CRISPLD2: variants seen among roughly 807,000 people sequenced by gnomAD.
CRISPLD2 encodes cysteine-rich secretory protein LCCL domain-containing 2.
Under a neutral mutation model 71.1 loss-of-function variants are expected in CRISPLD2, and 47 were observed. The ratio of observed to expected loss-of-function variants is 0.66; its 90% CI spans 0.52 to 0.84. CRISPLD2 has a LOEUF of 0.84. Ranked by LOEUF, CRISPLD2 falls within the 40% of genes least tolerant of loss-of-function variation. The probability of loss-of-function intolerance (pLI) is 0.00; values close to 1 mark genes in which losing one functional copy is unlikely to be tolerated. For missense variants in CRISPLD2, 830 were observed against 651.1 expected (o/e 1.27, Z -2.99); for synonymous variants, 317 against 250.1 (o/e 1.27, Z -2.52).
intron 6 of CRISPLD2, among the ~76,000 whole-genome samples, chr16:84,857,350 G>T (rs1019447374): frequency 6.6e-6 from 1 of 152,208 alleles, no homozygotes; most frequent in Non-Finnish European, 1.5e-5. Context: ...TCACCTTTTG[G>T]TGAGCATTGA....
chr16:84,889,257 C>T lies in CRISPLD2; in HGVS notation c.1333C>T (p.His445Tyr). Residue 445 changes from histidine (H) to tyrosine (Y), a missense_variant, in exon 14 of 15, where the codon CAC (histidine) becomes TAC (tyrosine). Transcript: ENST00000262424. ...CTCAAGCATCTGCAAGACAGCCGTG[C>T]ACGCGGGAGTCATCAGCAACGAGAG... is the stretch of plus-strand genomic sequence containing the variant. Reference protein sequence around the residue: ...DTSSICKTAVHAGVISNESGG... With the variant: ...DTSSICKTAVYAGVISNESGG... 1.2e-6 allele frequency: 2 copies of T among 1,614,134 alleles called. No individual in the cohort carries two copies. The highest frequency in any genetic ancestry group is 8.5e-7 in the Non-Finnish European group (1 of 1,180,018).
At chr16:84,897,722 T>C (rs2071718690) in intron 14 of CRISPLD2, among the ~76,000 whole-genome samples, 1 of 152,140 alleles carries the variant, frequency 6.6e-6, no homozygotes, top group African/African-American at 2.4e-5. Context: ...GTTCAAGTGA[T>C]TCTCATGCCT....
chr16:84,846,763 G>T (rs888935786), intron 3 of CRISPLD2, among the ~76,000 whole-genome samples: 1 of 152,130 alleles, frequency 6.6e-6, no homozygotes, highest in African/African-American at 2.4e-5. Flanking sequence ...CCAGACCCCC[G>T]AGGCTTCCCT....
intron 6 of CRISPLD2, among the ~76,000 whole-genome samples, chr16:84,863,776 C>G (rs1453908587): frequency 6.6e-6 from 1 of 152,052 alleles, no homozygotes; most frequent in Non-Finnish European, 1.5e-5. Context: ...TGAGACCAGC[C>G]TGACCAACAT....
chr16:84,863,152 G>A (rs970878075), intron 6 of CRISPLD2: 4 of 152,138 alleles, frequency 2.6e-5, no homozygotes, highest in East Asian at 1.9e-4. Context: ...CAGGGCCTCC[G>A]GAGGCACATG....
At chr16:84,858,624 A>T (rs374243424) in intron 6 of CRISPLD2, among the ~76,000 whole-genome samples, 1 of 152,228 alleles carries the variant, frequency 6.6e-6, no homozygotes, top group Non-Finnish European at 1.5e-5. Flanking sequence ...CTTCAGTGCA[A>T]TGGAGCAGTG....
intron 1 of CRISPLD2, among the ~76,000 whole-genome samples, chr16:84,831,080 G>A (rs1235134677): frequency 6.6e-6 from 1 of 152,240 alleles, no homozygotes; most frequent in Non-Finnish European, 1.5e-5. Flanking sequence ...GGGAGGCTGA[G>A]AGTCAGAGCG....
intron 13 of CRISPLD2, among the ~76,000 whole-genome samples, chr16:84,883,663 AG>A (rs2071587321): frequency 6.6e-6 from 1 of 152,166 alleles, no homozygotes; most frequent in African/African-American, 2.4e-5. Context: ...ACAAGTTCCC[AG>A]GTGAACCTGC....
chr16:84,826,799 C>T (rs1398414469), intron 1 of CRISPLD2, among the ~76,000 whole-genome samples: 1 of 151,994 alleles, frequency 6.6e-6, no homozygotes, highest in African/African-American at 2.4e-5. Context: ...TTATCTGGGG[C>T]CTGACACATC....
At chr16:84,880,607 A>C (rs190422051) in intron 13 of CRISPLD2, 23 bp downstream of exon 13, 768 of 1,604,378 alleles carry the variant, frequency 4.8e-4, no homozygotes, top group Non-Finnish European at 6.2e-4. Flanking sequence ...CATTTTCAAC[A>C]ACTATCTCGC....
Position 84,849,388 on chromosome 16 carries a change from T to G in CRISPLD2, c.363T>G (p.Tyr121Ter). 1 of 1,612,484 alleles carries G rather than the reference T, an allele frequency of 6.2e-7. No individual in the cohort carries two copies. The highest frequency in any genetic ancestry group is 8.5e-7 in the Non-Finnish European group (1 of 1,178,804). The change falls in exon 4 of 15, where the codon TAT (tyrosine) becomes TAG (stop). Residue 121 changes from tyrosine (Y) to a stop codon, truncating the protein, a stop_gained. Transcript: ENST00000262424. LOFTEE classifies it high-confidence loss of function. ...GTGAGCGGTTTCTGCCCTGCAGGTATCGCTCTCCGGGGTTCCATGTGCAGT... is the reference window on the plus strand; with the variant it reads ...GTGAGCGGTTTCTGCCCTGCAGGTAGCGCTCTCCGGGGTTCCATGTGCAGT... ...GQNLGAHWGR[Y>*]RSPGFHVQSW... is the part of the protein sequence containing the mutation.
chr16:84,867,137 A>G lies in CRISPLD2; in HGVS notation c.853+97A>G, dbSNP rs1917564144. On this transcript the variant is annotated intron_variant, in intron 7 of 14. Transcript: ENST00000262424. ...GGGGAGCTAGTGGATTTAGGTCTGC[A>G]AATCCACAGGCAGTGGCAAACAGGG... The G allele has an allele frequency of 3.0e-6, 4 of 1,329,544 alleles. No individual in the cohort carries two copies. The African/African-American group carries it at 4.4e-5, about 15-fold the overall frequency. The allele number at this position is 1,329,544 out of a possible 1,614,324, so 82.4% of individuals were successfully genotyped here. A position where few individuals can be genotyped will look rare whatever the true frequency, so the allele number is the denominator to read the frequency against.
intron 14 of CRISPLD2, among the ~76,000 whole-genome samples, chr16:84,903,220 C>T (rs1567708392): frequency 6.6e-6 from 1 of 152,210 alleles, no homozygotes; most frequent in African/African-American, 2.4e-5. Flanking sequence ...TCCGGGTCTC[C>T]TCTCCAGCCT....
At chr16:84,892,222 C>T (rs762038624) in intron 14 of CRISPLD2, among the ~76,000 whole-genome samples, 5 of 152,202 alleles carry the variant, frequency 3.3e-5, no homozygotes, top group African/African-American at 7.2e-5. Context: ...AAAGCACATC[C>T]TCCGGCCCCA....
chr16:84,855,011 T>A (rs1349922189), intron 6 of CRISPLD2, among the ~76,000 whole-genome samples, 182 bp downstream of exon 6: 1 of 152,124 alleles, frequency 6.6e-6, no homozygotes, highest in Non-Finnish European at 1.5e-5. Context: ...GGGTCTAGGC[T>A]CAGCTTCCAG....
intron 6 of CRISPLD2, among the ~76,000 whole-genome samples, chr16:84,855,139 T>G (rs1245902033): frequency 6.6e-6 from 1 of 152,060 alleles, no homozygotes; most frequent in Non-Finnish European, 1.5e-5. Context: ...CTCGTTAGCA[T>G]TCACAGTTTC....
Position 84,905,994 on chromosome 16 carries a change from C to T in CRISPLD2, c.1440-594C>T, listed in dbSNP as rs562393584. 6.0e-4 allele frequency among the ~76,000 whole-genome samples: 92 copies of T among 152,246 alleles called. 1 individual carries two copies. Among genetic ancestry groups the T allele is most frequent in the African/African-American group, 2.1e-3 (86 of 41,550 alleles). ...AAGTGCTGAGGTTACAGGCATGAGC[C>T]ACCGCGCCTGGCCTAAAGCTCTTTT... On this transcript the variant is annotated intron_variant, in intron 14 of 14. Coordinates refer to ENST00000262424, the MANE Select transcript of CRISPLD2 (RefSeq NM_031476.4).
intron 6 of CRISPLD2, among the ~76,000 whole-genome samples, chr16:84,865,734 G>A (rs1294818602): frequency 6.6e-6 from 1 of 152,172 alleles, no homozygotes; most frequent in Admixed American, 6.6e-5. Flanking sequence ...TGCTTTAGCT[G>A]GAATTTACAA....
chr16:84,861,157 AG>A (rs1917368679), intron 6 of CRISPLD2, among the ~76,000 whole-genome samples: 1 of 152,188 alleles, frequency 6.6e-6, no homozygotes, highest in Non-Finnish European at 1.5e-5. Context: ...CCATACTATT[AG>A]AAGTAGAGTC....
Sources: gnomAD v4.1 joint callset for allele counts (sites outside exome capture counted in the v4.1 genomes callset) on GRCh38, gnomAD v4.1.1 for gene constraint, MANE v1.5 for transcripts, NCBI Gene and HGNC (gene_info 2026-07-23, HGNC 2026-07-21) for gene names.